The following KMO variants were observed in gnomAD, a reference collection of about 807,000 sequenced individuals.
KMO encodes kynurenine 3-monooxygenase.
KMO carries 24 observed loss-of-function variants against 57.8 expected under a neutral mutation model. The observed-to-expected ratio is 0.42, with a 90% CI of 0.30 to 0.58. KMO has a LOEUF of 0.58. Among genes scored for constraint, KMO ranks in the 20% least tolerant of loss-of-function variants. The pLI, the probability that KMO is intolerant of heterozygous loss-of-function variation, is 0.22. For missense variants in KMO, 483 were observed against 588.2 expected (o/e 0.82, Z 1.85); for synonymous variants, 210 against 193.6 (o/e 1.08, Z -0.70).
intron 1 of KMO, among the ~76,000 whole-genome samples, chr1:241,534,612 C>G (rs1194854678): frequency 6.6e-6 from 1 of 152,236 alleles, no homozygotes; most frequent in Non-Finnish European, 1.5e-5. Context: ...CCTTGAGGCT[C>G]TATATCCAAA....
chr1:241,539,912 T>C (rs1165682802), intron 1 of KMO, among the ~76,000 whole-genome samples: 2 of 152,186 alleles, frequency 1.3e-5, no homozygotes, highest in African/African-American at 4.8e-5. Context: ...CGTCATACAA[T>C]TGTCTATAAT....
chr1:241,538,172 G>A (rs1375306958), intron 1 of KMO, among the ~76,000 whole-genome samples: 3 of 152,122 alleles, frequency 2.0e-5, no homozygotes, highest in African/African-American at 7.2e-5. Context: ...AGAAAATGGT[G>A]GCATTAGCAT....
At chr1:241,550,378 G>A (rs191340042) in intron 3 of KMO, among the ~76,000 whole-genome samples, 4 of 152,298 alleles carry the variant, frequency 2.6e-5, no homozygotes, top group South Asian at 2.1e-4. Context: ...GATAAAGAAT[G>A]GTGGGCCTGT....
At chr1:241,564,898 A>G (rs12139441) in intron 7 of KMO, 89 bp from the exon 8 acceptor site, 121,472 of 767,676 alleles carry the variant, frequency 0.16, 10,578 homozygotes, top group East Asian at 0.23. Context: ...ACTGGTTTTA[A>G]TTACTGTGGA....
chr1:241,571,857 T>G (rs1204357007), intron 10 of KMO, among the ~76,000 whole-genome samples: 5 of 147,334 alleles, frequency 3.4e-5, no homozygotes, highest in Non-Finnish European at 7.4e-5. Flanking sequence ...AGGATTTATA[T>G]TAGTTCCTTT....
At chr1:241,561,078 G>C (rs1661817788) in intron 6 of KMO, among the ~76,000 whole-genome samples, 1 of 152,028 alleles carries the variant, frequency 6.6e-6, no homozygotes, top group Admixed American at 6.6e-5. Flanking sequence ...CTTTCCAGGT[G>C]CTATTTCTCT....
At chr1:241,564,943 G>T (rs1662019115) in intron 7 of KMO, 44 bp from the exon 8 acceptor site, 6 of 1,220,520 alleles carry the variant, frequency 4.9e-6, no homozygotes, top group Non-Finnish European at 7.3e-6. Context: ...TTATAGGTTT[G>T]CTATATGAAT....
chr1:241,538,975 C>T (rs765511444), intron 1 of KMO, among the ~76,000 whole-genome samples: 2 of 152,172 alleles, frequency 1.3e-5, no homozygotes, highest in Admixed American at 6.5e-5. Flanking sequence ...GTCTAGTCCT[C>T]TATCTGTCTA....
chr1:241,548,867 T>A lies in KMO; in HGVS notation c.93T>A (p.Asn31Lys), dbSNP rs1416633240. 2.5e-6 allele frequency: 4 copies of A among 1,607,888 alleles called. No individual in the cohort carries two copies. The highest frequency in any genetic ancestry group is 3.4e-6 in the Non-Finnish European group (4 of 1,174,836). ...SLQACFLAKRNFQIDVYEARE... is the reference protein window; with the variant it reads ...SLQACFLAKRKFQIDVYEARE... ...AAGCATGCTTTCTTGCAAAGAGGAA[T>A]TTCCAGATTGATGTATATGAAGCTA... Residue 31 changes from asparagine to lysine, a missense_variant, in exon 2 of 15, where the codon AAT becomes AAA. Coordinates refer to ENST00000366559, the MANE Select transcript of KMO (RefSeq NM_003679.5).
intron 4 of KMO, 131 bp from the exon 5 acceptor site, chr1:241,555,481 G>A (rs6685410): frequency 0.024 from 12,041 of 507,376 alleles, 763 homozygotes; most frequent in African/African-American, 0.16. Flanking sequence ...GTCACTTAGC[G>A]AAATGGTTAT....
intron 6 of KMO, 137 bp downstream of exon 6, chr1:241,560,889 A>G: frequency 1.5e-6 from 1 of 654,858 alleles, no homozygotes; most frequent in Non-Finnish European, 2.7e-6. Context: ...TCTAGATTCA[A>G]GGAATTTTAG....
rs1472603946 is a variant in KMO at position 241,592,725 on chromosome 1, TATCTATCTATC to T, written c.*584_*594del. 3 of 154,940 alleles carry T rather than the reference TATCTATCTATC, an allele frequency of 1.9e-5. No homozygotes were observed. Among genetic ancestry groups the T allele is most frequent in the Non-Finnish European group, 4.3e-5 (3 of 70,200 alleles). The allele number at this position is 154,940 out of a possible 1,614,324, so 9.6% of individuals were successfully genotyped here. A position where few individuals can be genotyped will look rare whatever the true frequency, so the allele number is the denominator to read the frequency against. ...TATTATCATCTATCTGTTTATCGTCTATCTATCTATCATCTATCTATCTATCTATCATCTAT... is the reference window on the plus strand; with the variant it reads ...TATTATCATCTATCTGTTTATCGTCTATCTATCTATCTATCTATCATCTAT... On this transcript the variant is annotated 3_prime_UTR_variant, in exon 15 of 15. Transcript: ENST00000366559.
At chr1:241,586,759 C>T in intron 11 of KMO, 23 bp downstream of exon 11, 1 of 1,552,948 alleles carries the variant, frequency 6.4e-7, no homozygotes, top group Non-Finnish European at 8.8e-7. Flanking sequence ...AATTTCTCAA[C>T]TGGACATGTA....
rs113255418 is a variant in KMO at position 241,583,465 on chromosome 1, C to G, written c.958-3214C>G. On this transcript the variant is annotated intron_variant, in intron 10 of 14. Transcript: ENST00000366559. ...TGGAATCAGGGGCTTCAGGAAACTA[C>G]TTGGTGCTTTATTTTATTGTGGCTT... Among the ~76,000 whole-genome samples the G allele has an allele frequency of 2.7e-3, 414 of 152,272 alleles. 1 individual carries two copies. Among genetic ancestry groups the G allele is most frequent in the African/African-American group, 9.2e-3 (384 of 41,554 alleles).
Position 241,592,088 on chromosome 1 carries a change from A to G in KMO, c.1396A>G (p.Thr466Ala), listed in dbSNP as rs1364595424. Residue 466 changes from threonine to alanine, a missense_variant, in exon 15 of 15, where the codon ACA (threonine) becomes GCA (alanine). Thr to Ala is a moderately conservative substitution (Grantham distance 58). Coordinates refer to ENST00000366559, the MANE Select transcript of KMO (RefSeq NM_003679.5). ...PWNWIAHFRN[T>A]TCFPAKAVDS... ...GAACTGGATAGCTCACTTCCGGAAT[A>G]CAACATGTTTCCCCGCAAAGGCCGT... The G allele has an allele frequency of 6.2e-6, 10 of 1,614,058 alleles. 1 individual carries two copies. In the South Asian group the frequency reaches 1.1e-4, roughly 18 times the overall value.
chr1:241,551,398 T>C (rs1661387519), intron 4 of KMO, among the ~76,000 whole-genome samples: 1 of 152,166 alleles, frequency 6.6e-6, no homozygotes, highest in African/African-American at 2.4e-5. Flanking sequence ...ACAAGAACAA[T>C]CTAGAAGGTT....
chr1:241,541,448 C>T (rs2050513), intron 1 of KMO, among the ~76,000 whole-genome samples: 1 of 151,738 alleles, frequency 6.6e-6, no homozygotes, highest in Admixed American at 6.6e-5. Flanking sequence ...AATAAGTCAA[C>T]TTTTAGCTAT....
At chr1:241,561,214 A>T (rs552176518) in intron 6 of KMO, among the ~76,000 whole-genome samples, 97 of 152,148 alleles carry the variant, frequency 6.4e-4, no homozygotes, top group Non-Finnish European at 1.3e-3. Context: ...TTCCAGTCCA[A>T]GCCTCTTTCT....
At chr1:241,547,252 A>G (rs904971247) in intron 1 of KMO, among the ~76,000 whole-genome samples, 3 of 152,210 alleles carry the variant, frequency 2.0e-5, no homozygotes, top group Non-Finnish European at 4.4e-5. Flanking sequence ...GACTATTGTA[A>G]TTGCATTAAT....
Sources: allele counts gnomAD v4.1 joint callset (sites outside exome capture counted in the v4.1 genomes callset), GRCh38; gene constraint gnomAD v4.1.1; transcripts MANE v1.5; gene names NCBI Gene and HGNC (gene_info 2026-07-23, HGNC 2026-07-21).